KDR: variants seen among roughly 807,000 people sequenced by gnomAD.
KDR encodes vascular endothelial growth factor receptor 2.
A neutral mutation model predicts 160.9 loss-of-function variants in KDR; 43 were observed. The ratio of observed to expected loss-of-function variants is 0.27; its 90% CI spans 0.21 to 0.34. The LOEUF (loss-of-function observed/expected upper bound fraction) is 0.34. Among genes scored for constraint, KDR ranks in the 10% least tolerant of loss-of-function variants. The probability of loss-of-function intolerance (pLI) is 1.00; values close to 1 mark genes in which losing one functional copy is unlikely to be tolerated. For synonymous variants in KDR, 617 were observed against 600.1 expected (o/e 1.03, Z -0.41); for missense variants, 1,469 against 1,666.4 (o/e 0.88, Z 2.06).
chr4:55,107,826 T>C lies in KDR; in HGVS notation c.1323A>G (p.Gln441=). Reference sequence around the variant, plus strand: ...TGGCATAGACCGTACATGTCAGCGTTTGAGTGGTGCCGTACTGGTAGGAAT... The same window carrying C: ...TGGCATAGACCGTACATGTCAGCGTCTGAGTGGTGCCGTACTGGTAGGAAT... ...PVDSYQYGTT[Q]TLTCTVYAIP... Residue 441 remains glutamine, a synonymous_variant, in exon 10 of 30, where the codon CAA becomes CAG. Transcript: ENST00000263923. 6.2e-7 allele frequency: 1 copy of C among 1,613,892 alleles called. No homozygotes were observed. The highest frequency in any genetic ancestry group is 8.5e-7 in the Non-Finnish European group (1 of 1,179,902).
chr4:55,120,215 A>G (rs1030703143), intron 2 of KDR, among the ~76,000 whole-genome samples: 2 of 152,196 alleles, frequency 1.3e-5, no homozygotes, highest in Non-Finnish European at 2.9e-5. Flanking sequence ...TTAGTATTCA[A>G]CAAGTATGAA....
Position 55,102,616 on chromosome 4 carries a change from G to A in KDR, c.1988-108C>T, listed in dbSNP as rs1351745368. On this transcript the variant is annotated intron_variant, in intron 13 of 29. Coordinates refer to ENST00000263923, the MANE Select transcript of KDR (RefSeq NM_002253.4). ...TAAATTTAGTAAAAAGGAACTTGTT[G>A]ATATATTAACTTCTGGGAAAATACA... The A allele has an allele frequency of 2.5e-6, 3 of 1,197,058 alleles. No homozygotes were observed. The East Asian group carries it at 7.4e-5, about 30-fold the overall frequency. The allele number at this position is 1,197,058 out of a possible 1,614,324, so 74.2% of individuals were successfully genotyped here. A position where few individuals can be genotyped will look rare whatever the true frequency, so the allele number is the denominator to read the frequency against.
At chr4:55,115,521 C>A in intron 3 of KDR, 110 bp from the exon 4 acceptor site, 1 of 677,020 alleles carries the variant, frequency 1.5e-6, no homozygotes, top group South Asian at 1.7e-5. Flanking sequence ...GGAAGGGACA[C>A]CTCACACAAC....
At chr4:55,108,536 A>G (rs2110025904) in intron 9 of KDR, among the ~76,000 whole-genome samples, 1 of 152,336 alleles carries the variant, frequency 6.6e-6, no homozygotes, top group Admixed American at 6.5e-5. Flanking sequence ...TGACTCGCCC[A>G]AGGTCACTCA....
intron 3 of KDR, among the ~76,000 whole-genome samples, chr4:55,116,347 G>A (rs975679727): frequency 1.3e-5 from 2 of 150,918 alleles, no homozygotes; most frequent in Admixed American, 6.6e-5. Context: ...GAACCGGGGG[G>A]CAGAAGTTGC....
intron 3 of KDR, among the ~76,000 whole-genome samples, chr4:55,116,740 C>T (rs1336414778): frequency 6.6e-6 from 1 of 152,208 alleles, no homozygotes; most frequent in East Asian, 1.9e-4. Flanking sequence ...ATCTAGCCCA[C>T]CACATGCCAT....
intron 18 of KDR, among the ~76,000 whole-genome samples, chr4:55,097,369 C>T (rs1294578125): frequency 6.6e-6 from 1 of 151,968 alleles, no homozygotes; most frequent in Non-Finnish European, 1.5e-5. Flanking sequence ...AACCACAGTC[C>T]TTTTTCCCTG....
intron 15 of KDR, among the ~76,000 whole-genome samples, chr4:55,100,070 A>G (rs1449742300): frequency 6.6e-6 from 1 of 152,230 alleles, no homozygotes; most frequent in Non-Finnish European, 1.5e-5. Flanking sequence ...CAAAGAGATG[A>G]TAAGGAAGCA....
intron 10 of KDR, among the ~76,000 whole-genome samples, 174 bp downstream of exon 10, chr4:55,107,563 A>C (rs968533529): frequency 1.3e-5 from 2 of 152,198 alleles, no homozygotes; most frequent in African/African-American, 4.8e-5. Flanking sequence ...TACTCCAAGC[A>C]AAGACATCCC....
chr4:55,106,135 T>C (rs1008518803), intron 11 of KDR, among the ~76,000 whole-genome samples, 195 bp from the exon 12 acceptor site: 4 of 152,192 alleles, frequency 2.6e-5, no homozygotes, highest in African/African-American at 9.6e-5. Context: ...AAAAGTGGTT[T>C]GGATTTTGGA....
At chr4:55,114,598 C>G (rs889903393) in intron 5 of KDR, among the ~76,000 whole-genome samples, 1 of 152,210 alleles carries the variant, frequency 6.6e-6, no homozygotes, top group African/African-American at 2.4e-5. Flanking sequence ...AAGCAATGCT[C>G]TGAACATTGA....
At chr4:55,116,370 T>C (rs1245540608) in intron 3 of KDR, among the ~76,000 whole-genome samples, 1 of 138,802 alleles carries the variant, frequency 7.2e-6, no homozygotes, top group African/African-American at 2.7e-5. Flanking sequence ...TGAGCTGAGA[T>C]AGCACCACTG....
chr4:55,098,799 G>C lies in KDR; in HGVS notation c.2271C>G (p.Ala757=), dbSNP rs1324678780. The change falls in exon 16 of 30, where the codon GCC becomes GCG. Residue 757 remains alanine, a synonymous_variant. Transcript: ENST00000263923. ...TGATTTCCAAGTTCGTCTTTTCCTG[G>C]GCACCTGGAAAGACACAATTGAATG... is the stretch of plus-strand genomic sequence containing the variant. ...KVEAFFIIEG[A]QEKTNLEIII... 1 of 1,608,342 alleles carries C rather than the reference G, an allele frequency of 6.2e-7. No individual in the cohort carries two copies.
At chr4:55,095,105 C>G in intron 20 of KDR, 150 bp from the exon 21 acceptor site, 1 of 811,500 alleles carries the variant, frequency 1.2e-6, no homozygotes, top group Non-Finnish European at 2.0e-6. Flanking sequence ...TATGCAATCT[C>G]TGAGCTGAAA....
intron 13 of KDR, among the ~76,000 whole-genome samples, chr4:55,104,221 T>C (rs1226264263): frequency 1.3e-5 from 2 of 152,198 alleles, no homozygotes; most frequent in South Asian, 2.1e-4. Flanking sequence ...CCTGTTCTCA[T>C]GGACACAGAG....
intron 25 of KDR, 46 bp from the exon 26 acceptor site, chr4:55,089,019 G>A (rs989601955): frequency 7.3e-7 from 1 of 1,371,274 alleles, no homozygotes; most frequent in Non-Finnish European, 1.0e-6. Context: ...CTTTCTTCCT[G>A]AATGCTGAAA....
intron 20 of KDR, 36 bp downstream of exon 20, chr4:55,095,541 A>G: frequency 6.8e-7 from 1 of 1,463,406 alleles, no homozygotes; most frequent in East Asian, 2.3e-5. Context: ...CCTTCATTTT[A>G]TAACATGGCC....
intron 9 of KDR, among the ~76,000 whole-genome samples, chr4:55,109,589 G>A (rs2110026616): frequency 6.6e-6 from 1 of 152,110 alleles, no homozygotes; most frequent in South Asian, 2.1e-4. Flanking sequence ...ATTTGCTCAG[G>A]GGAAAAAAGG....
At chr4:55,109,162 A>G (rs1720513814) in intron 9 of KDR, among the ~76,000 whole-genome samples, 1 of 151,910 alleles carries the variant, frequency 6.6e-6, no homozygotes, top group African/African-American at 2.4e-5. Flanking sequence ...GGCTATCTGC[A>G]ACCTCCACCT....
Sources: gnomAD v4.1 joint callset for allele counts (sites outside exome capture counted in the v4.1 genomes callset) on GRCh38, gnomAD v4.1.1 for gene constraint, MANE v1.5 for transcripts, NCBI Gene and HGNC (gene_info 2026-07-23, HGNC 2026-07-21) for gene names.